Variants in INF2 observed in about 807,000 individuals in gnomAD.
INF2 encodes inverted formin-2.
Under a neutral mutation model 123.5 loss-of-function variants are expected in INF2, and 43 were observed. The observed-to-expected ratio is 0.35, with a 90% CI of 0.27 to 0.45. The LOEUF (loss-of-function observed/expected upper bound fraction) is 0.45. Ranked by LOEUF, INF2 falls within the 20% of genes least tolerant of loss-of-function variation. The pLI is 1.00. For synonymous variants in INF2, 851 were observed against 745.0 expected (o/e 1.14, Z -2.32); for missense variants, 1,453 against 1,682.7 (o/e 0.86, Z 2.39).
chr14:104,693,721 G>C (rs1162960958), intron 1 of INF2, among the ~76,000 whole-genome samples: 2 of 152,190 alleles, frequency 1.3e-5, no homozygotes, highest in Non-Finnish European at 2.9e-5. Context: ...TCGCCGGGTC[G>C]GGGGTGGACG....
In INF2 at chr14:104,706,933, C is replaced by T. The variant is rs763767036; in HGVS notation, c.867C>T (p.Ala289=). The T allele has an allele frequency of 6.2e-7, 1 of 1,604,270 alleles. No individual in the cohort carries two copies. The highest frequency in any genetic ancestry group is 8.5e-7 in the Non-Finnish European group (1 of 1,179,418). ...AGGTGAGCTGCTCCCCGGTGTCTGC[C>T]CAGCTCCTGTCGGTGCTGCAGGGCC... ...FHKVSCSPVS[A]QLLSVLQGLL... The change falls in exon 7 of 23, where the codon GCC becomes GCT. Residue 289 remains alanine, a synonymous_variant. Transcript: ENST00000392634.
Position 104,703,335 on chromosome 14 carries a change from A to G in INF2, c.548A>G (p.Asn183Ser), listed in dbSNP as rs755557189. Residue 183 changes from asparagine to serine, a missense_variant, in exon 4 of 23, where the codon AAC (asparagine) becomes AGC (serine). Physicochemically the swap from Asn to Ser is conservative, Grantham distance 46 (BLOSUM62 1). Around this residue, in one of 8 missense-constraint regions of INF2, gnomAD observed 251 missense variants for 349.4 expected, o/e 0.72. Coordinates refer to ENST00000392634, the MANE Select transcript of INF2 (RefSeq NM_022489.4). Reference sequence around the variant, plus strand: ...CAGTACCGCTTCAGCATTGTCATGAACGAGCTCTCCGGCAGCGACAACGTG... The same window carrying G: ...CAGTACCGCTTCAGCATTGTCATGAGCGAGCTCTCCGGCAGCGACAACGTG... The part of the protein sequence containing the change: ...SQQYRFSIVM[N>S]ELSGSDNVPY... 1 of 1,613,118 alleles carries G rather than the reference A, an allele frequency of 6.2e-7. No homozygotes were observed. The highest frequency in any genetic ancestry group is 1.7e-4 in the Middle Eastern group (1 of 6,060).
chr14:104,692,990 C>T (rs1165450136), intron 1 of INF2, among the ~76,000 whole-genome samples: 1 of 152,218 alleles, frequency 6.6e-6, no homozygotes, highest in Non-Finnish European at 1.5e-5. Context: ...GCTGGGGCAC[C>T]CTCCATCTCC....
chr14:104,711,269 C>G, intron 15 of INF2, 83 bp downstream of exon 15: 1 of 1,184,394 alleles, frequency 8.4e-7, no homozygotes, highest in Non-Finnish European at 1.2e-6. Context: ...GCCATACCCC[C>G]ATGCCCACCA....
In INF2 at chr14:104,692,981, C is replaced by T. The variant is rs185522956; in HGVS notation, c.-10+3242C>T. ...ACCCCAGAAGGGTGACTGGCCGTGG[C>T]TGGGGCACCCTCCATCTCCCTCAGC... On this transcript the variant is annotated intron_variant, in intron 1 of 22. Coordinates refer to ENST00000392634, the MANE Select transcript of INF2 (RefSeq NM_022489.4). Among the ~76,000 whole-genome samples, 241 of 152,336 alleles carry T rather than the reference C, an allele frequency of 1.6e-3. 2 individuals are homozygous for T. Among genetic ancestry groups the T allele is most frequent in the Non-Finnish European group, 4.6e-4 (31 of 68,024 alleles).
At position 104,714,865 on chromosome 14, in the gene INF2, G is replaced by A. The variant is rs939824016; in HGVS notation, c.3694+9G>A. 2 of 1,546,240 alleles carry A rather than the reference G, an allele frequency of 1.3e-6. No homozygotes were observed. The highest frequency in any genetic ancestry group is 1.7e-6 in the Non-Finnish European group (2 of 1,153,706). On this transcript the variant is annotated intron_variant, in intron 21 of 22. Coordinates refer to ENST00000392634, the MANE Select transcript of INF2 (RefSeq NM_022489.4). Reference sequence around the variant, plus strand: ...CTCCAGGAGCCAGGAAGGTAACTCAGGGAGGGGCCCCGGGCACCGTCCCAC... The same window carrying A: ...CTCCAGGAGCCAGGAAGGTAACTCAAGGAGGGGCCCCGGGCACCGTCCCAC...
In INF2 at chr14:104,714,836, G is replaced by A. The variant is rs571301599; in HGVS notation, c.3674G>A (p.Arg1225His). 51 of 1,587,126 alleles carry A rather than the reference G, an allele frequency of 3.2e-5. No individual in the cohort carries two copies. Among genetic ancestry groups the A allele is most frequent in the East Asian group, 6.8e-5 (3 of 44,092 alleles). ...GGGACCGGGAAGCGAAGGAAGAAGC[G>A]TCCCTCCAGGAGCCAGGAAGGTAAC... ...SKGTGKRRKK[R>H]PSRSQEEVPP... is the part of the protein sequence containing the mutation. Residue 1225 changes from arginine to histidine, a missense_variant, in exon 21 of 23, where the codon CGT (arginine) becomes CAT (histidine). Around this residue, in one of 8 missense-constraint regions of INF2, gnomAD observed 344 missense variants for 333.1 expected, o/e 1.03. Coordinates refer to ENST00000392634, the MANE Select transcript of INF2 (RefSeq NM_022489.4).
intron 15 of INF2, 49 bp downstream of exon 15, chr14:104,711,235 G>C: frequency 6.9e-7 from 1 of 1,451,868 alleles, no homozygotes; most frequent in Non-Finnish European, 9.4e-7. Flanking sequence ...AGTCCCCCCG[G>C]ACCTGGGGTG....
chr14:104,683,058 G>A (rs974350291), intron 1 of INF2, among the ~76,000 whole-genome samples: 1 of 118,604 alleles, frequency 8.4e-6, no homozygotes, highest in Non-Finnish European at 1.7e-5. Context: ...CTCCCAAAGT[G>A]CTGGGATTAC....
At chr14:104,711,265 C>A in intron 15 of INF2, 79 bp downstream of exon 15, 1 of 1,215,074 alleles carries the variant, frequency 8.2e-7, no homozygotes, top group Non-Finnish European at 1.2e-6. Context: ...AGAGGCCATA[C>A]CCCCATGCCC....
At position 104,710,102 on chromosome 14, in the gene INF2, T is replaced by C. The variant is rs1566783338; in HGVS notation, c.2153T>C (p.Ile718Thr). 1.3e-6 allele frequency: 2 copies of C among 1,551,904 alleles called. No individual in the cohort carries two copies. The highest frequency in any genetic ancestry group is 1.7e-6 in the Non-Finnish European group (2 of 1,148,258). ...LLAIPCYQLR[I>T]ECMLLCEGAA... ...GCCATCCCCAGCTACCAGCTGCGAATCGAGTGCATGCTGCTGTGTGAGGGC... is the reference window on the plus strand; with the variant it reads ...GCCATCCCCAGCTACCAGCTGCGAACCGAGTGCATGCTGCTGTGTGAGGGC... The change falls in exon 13 of 23, where the codon ATC (isoleucine) becomes ACC (threonine). Residue 718 changes from isoleucine (I) to threonine (T), a missense_variant. Around this residue, in one of 8 missense-constraint regions of INF2, gnomAD observed 192 missense variants for 274.4 expected, o/e 0.70. Transcript: ENST00000392634.
Position 104,706,985 on chromosome 14 carries a change from T to A in INF2, c.919T>A (p.Ser307Thr). 1 of 1,599,024 alleles carries A rather than the reference T, an allele frequency of 6.3e-7. No individual in the cohort carries two copies. Among genetic ancestry groups the A allele is most frequent in the Non-Finnish European group, 8.5e-7 (1 of 1,178,670 alleles). Residue 307 changes from serine (S) to threonine (T), a missense_variant, in exon 7 of 23, where the codon TCC becomes ACC. Around this residue, in one of 8 missense-constraint regions of INF2, gnomAD observed 374 missense variants for 303.7 expected, o/e 1.23. Transcript: ENST00000392634. ...GLLHLEPTLR[S>T]SQLLWEALES... ...CCTGCACCTGGAGCCCACCCTCCGCTCCAGCCAGCTGCTCTGGGAGGCCCT... is the reference window on the plus strand; with the variant it reads ...CCTGCACCTGGAGCCCACCCTCCGCACCAGCCAGCTGCTCTGGGAGGCCCT...
Position 104,708,570 on chromosome 14 carries a change from A to G in INF2, c.1870A>G (p.Arg624Gly). 1.9e-6 allele frequency: 3 copies of G among 1,612,114 alleles called. No individual in the cohort carries two copies. Among genetic ancestry groups the G allele is most frequent in the Non-Finnish European group, 2.5e-6 (3 of 1,179,730 alleles). Reference protein sequence around the residue: ...KEPTMVAPRARKEPKEITFLD... With the variant: ...KEPTMVAPRAGKEPKEITFLD... ...GCCCACCATGGTGGCCCCCCGGGCCAGGAAGGAGCCCAAGGAGGTGGGGAC... is the reference window on the plus strand; with the variant it reads ...GCCCACCATGGTGGCCCCCCGGGCCGGGAAGGAGCCCAAGGAGGTGGGGAC... Residue 624 changes from arginine to glycine, a missense_variant, in exon 9 of 23, where the codon AGG (arginine) becomes GGG (glycine). Around this residue, in one of 8 missense-constraint regions of INF2, gnomAD observed 192 missense variants for 274.4 expected, o/e 0.70. Transcript: ENST00000392634.
Position 104,701,531 on chromosome 14 carries a change from C to T in INF2, c.166C>T (p.Arg56Cys). 6.2e-7 allele frequency: 1 copy of T among 1,608,176 alleles called. No individual in the cohort carries two copies. The highest frequency in any genetic ancestry group is 8.5e-7 in the Non-Finnish European group (1 of 1,178,178). Reference sequence around the variant, plus strand: ...GGTCAACTACTCCGGCCTGCGCAAGCGCCTGGAGGGCAGCGACGGCGGCTG... The same window carrying T: ...GGTCAACTACTCCGGCCTGCGCAAGTGCCTGGAGGGCAGCGACGGCGGCTG... The part of the protein sequence containing the change: ...SVVNYSGLRK[R>C]LEGSDGGWMV... The change falls in exon 2 of 23, where the codon CGC (arginine) becomes TGC (cysteine). Residue 56 changes from arginine to cysteine, a missense_variant. Arg to Cys is a radical substitution (Grantham distance 180, BLOSUM62 -3). This residue lies in a region of INF2 where 251 missense variants were observed against 349.4 expected (regional missense o/e 0.72). Transcript: ENST00000392634.
At position 104,701,347 on chromosome 14, in the gene INF2, CTG is replaced by C. The variant is rs751465483; in HGVS notation, c.-9-9_-9-8del. ...CTCCCCGCTGACGGCTCCCTGCCCT[CTG>C]CCTGCAGCTCGGCAAGATGTCGGTG... On this transcript the variant is annotated splice_polypyrimidine_tract_variant and splice_region_variant and intron_variant, in intron 1 of 22. Coordinates refer to ENST00000392634, the MANE Select transcript of INF2 (RefSeq NM_022489.4). 34 of 1,565,308 alleles carry C rather than the reference CTG, an allele frequency of 2.2e-5. No homozygotes were observed. Among genetic ancestry groups the C allele is most frequent in the Non-Finnish European group, 2.9e-5 (33 of 1,154,170 alleles).
At chr14:104,683,297 T>C (rs1279549881) in intron 1 of INF2, among the ~76,000 whole-genome samples, 1 of 152,130 alleles carries the variant, frequency 6.6e-6, no homozygotes, top group Non-Finnish European at 1.5e-5. Flanking sequence ...ATCCCAAGCA[T>C]GCATCCTCCT....
rs757627443 is a variant in INF2, at chr14:104,711,023, C to T, written c.2310+16C>T. On this transcript the variant is annotated intron_variant, in intron 14 of 22. Transcript: ENST00000392634. ...CCTCAACTACGTAAGTCAGGGGCAGCTCCCCATCCCACCTGGTGCCAGGGG... is the reference window on the plus strand; with the variant it reads ...CCTCAACTACGTAAGTCAGGGGCAGTTCCCCATCCCACCTGGTGCCAGGGG... 1 of 1,611,562 alleles carries T rather than the reference C, an allele frequency of 6.2e-7. No homozygotes were observed. The highest frequency in any genetic ancestry group is 8.5e-7 in the Non-Finnish European group (1 of 1,179,372).
At chr14:104,710,574 A>T (rs1469720573) in intron 13 of INF2, among the ~76,000 whole-genome samples, 1 of 151,748 alleles carries the variant, frequency 6.6e-6, no homozygotes, top group Non-Finnish European at 1.5e-5. Context: ...ACACAGACAC[A>T]CGTACACACC....
At chr14:104,715,888 A>G in intron 22 of INF2, 1 of 456,774 alleles carries the variant, frequency 2.2e-6, no homozygotes, top group South Asian at 1.5e-5. Context: ...AGGGACAAGT[A>G]CACTGCAACC....
Sources: allele counts gnomAD v4.1 joint callset (sites outside exome capture counted in the v4.1 genomes callset), GRCh38; gene constraint gnomAD v4.1.1; regional missense constraint gnomAD v4.1.1; transcripts MANE v1.5; gene names NCBI Gene and HGNC (gene_info 2026-07-23, HGNC 2026-07-21).